PEBP4: variants seen among roughly 807,000 people sequenced by gnomAD.
PEBP4 encodes the protein phosphatidylethanolamine-binding protein 4.
PEBP4 carries 22 observed loss-of-function variants against 23.9 expected under a neutral mutation model. The ratio of observed to expected loss-of-function variants is 0.92; its 90% CI spans 0.66 to 1.31. The LOEUF is 1.31. PEBP4 is among the 40% of genes most tolerant of loss of function. The pLI is 0.00. For synonymous variants in PEBP4, 112 were observed against 99.3 expected (o/e 1.13, Z -0.76); for missense variants, 324 against 281.7 (o/e 1.15, Z -1.07).
intron 3 of PEBP4, among the ~76,000 whole-genome samples, chr8:22,915,874 A>G (rs35182067): frequency 0.095 from 14,466 of 152,240 alleles, 955 homozygotes; most frequent in African/African-American, 0.19. Context: ...AAGGGTTGGT[A>G]GGGGCGGTGG....
chr8:22,937,193 T>A (rs1055853736), intron 1 of PEBP4, among the ~76,000 whole-genome samples: 1 of 152,220 alleles, frequency 6.6e-6, no homozygotes, highest in African/African-American at 2.4e-5. Context: ...TAGAAAACTC[T>A]AATTTTTTAA....
chr8:22,721,371 C>T (rs1804515063), intron 6 of PEBP4, among the ~76,000 whole-genome samples: 1 of 152,148 alleles, frequency 6.6e-6, no homozygotes, highest in Admixed American at 6.5e-5. Context: ...TTGCTGACCA[C>T]ATGTACATTG....
intron 3 of PEBP4, among the ~76,000 whole-genome samples, chr8:22,832,217 G>T (rs1037958606): frequency 6.6e-6 from 1 of 152,200 alleles, no homozygotes. Context: ...AAATGCATGT[G>T]TGGAAGCCCT....
At chr8:22,835,593 T>C (rs1247260595) in intron 3 of PEBP4, among the ~76,000 whole-genome samples, 1 of 152,218 alleles carries the variant, frequency 6.6e-6, no homozygotes, top group Non-Finnish European at 1.5e-5. Context: ...CTGGAAGGAA[T>C]AGGGATCATG....
chr8:22,731,919 C>T (rs1238647358), intron 4 of PEBP4, among the ~76,000 whole-genome samples: 6 of 151,940 alleles, frequency 3.9e-5, no homozygotes, highest in African/African-American at 1.5e-4. Flanking sequence ...TCGTGATCCG[C>T]CCGCCTCGGC....
chr8:22,722,493 G>A (rs1053566285), intron 6 of PEBP4, among the ~76,000 whole-genome samples: 13 of 152,204 alleles, frequency 8.5e-5, no homozygotes, highest in Admixed American at 4.6e-4. Flanking sequence ...TGTTCTGGAG[G>A]GAAAGGTATG....
At position 22,779,392 on chromosome 8, in the gene PEBP4, G is replaced by A. The variant is rs1419120279; in HGVS notation, c.357+38245C>T. 4.6e-5 allele frequency among the ~76,000 whole-genome samples: 7 copies of A among 152,110 alleles called. No homozygotes were observed. In the East Asian group the frequency reaches 1.3e-3, roughly 29 times the overall value. Reference sequence around the variant, plus strand: ...CTCAAAGGTCACCAGGCTAGGAGGTGGTCAAGGGAGAGGTCCCACACCAAG... The same window carrying A: ...CTCAAAGGTCACCAGGCTAGGAGGTAGTCAAGGGAGAGGTCCCACACCAAG... On this transcript the variant is annotated intron_variant, in intron 4 of 6. Transcript: ENST00000256404.
intron 2 of PEBP4, 92 bp downstream of exon 2, chr8:22,927,492 A>C: frequency 7.0e-7 from 1 of 1,430,366 alleles, no homozygotes. Context: ...GGCTCAGGAG[A>C]TGGTGCTTCT....
At chr8:22,900,986 G>A (rs1229499818) in intron 3 of PEBP4, among the ~76,000 whole-genome samples, 2 of 152,230 alleles carry the variant, frequency 1.3e-5, no homozygotes, top group African/African-American at 4.8e-5. Flanking sequence ...GCAGCAAGAA[G>A]TGACAGATGA....
Position 22,865,486 on chromosome 8 carries a change from C to CCCCGG in PEBP4, c.259-47756_259-47752dup, listed in dbSNP as rs1807872683. On this transcript the variant is annotated intron_variant, in intron 3 of 6. Transcript: ENST00000256404. The surrounding 1 kb of genome is among the most constrained non-coding windows in gnomAD (Gnocchi z 6.9). ...CGCGAGGTGGAGCGCGCCACCGCCC[C>CCCCGG]CCCGGCCGCGCAGCGAGAAGGAGCC... 6.6e-6 allele frequency among the ~76,000 whole-genome samples: 1 copy of CCCCGG among 152,014 alleles called. No homozygotes were observed.
In PEBP4 at chr8:22,927,814, G is replaced by C; in HGVS notation, c.-7+9C>G. On this transcript the variant is annotated intron_variant, in intron 1 of 6. Coordinates refer to ENST00000256404, the MANE Select transcript of PEBP4 (RefSeq NM_144962.3). ...CCGACCCCAGGGGCCCACTTGGCAGGATAGAGACCTCTGGTTAAGCACAGG... is the reference window on the plus strand; with the variant it reads ...CCGACCCCAGGGGCCCACTTGGCAGCATAGAGACCTCTGGTTAAGCACAGG... The C allele has an allele frequency of 6.7e-7, 1 of 1,495,324 alleles. No homozygotes were observed. Among genetic ancestry groups the C allele is most frequent in the African/African-American group, 1.4e-5 (1 of 70,960 alleles). 92.6% of individuals were successfully genotyped at this position (1,495,324 alleles called of 1,614,324 possible). A position where few individuals can be genotyped will look rare whatever the true frequency, so the allele number is the denominator to read the frequency against.
At chr8:22,826,492 G>T (rs1806971388) in intron 3 of PEBP4, among the ~76,000 whole-genome samples, 1 of 152,142 alleles carries the variant, frequency 6.6e-6, no homozygotes, top group Middle Eastern at 3.2e-3. Flanking sequence ...AGTGAACATT[G>T]TTGGAAATAA....
At chr8:22,902,842 G>A (rs561599832) in intron 3 of PEBP4, among the ~76,000 whole-genome samples, 1 of 152,214 alleles carries the variant, frequency 6.6e-6, no homozygotes, top group African/African-American at 2.4e-5. Flanking sequence ...AGAATGCATT[G>A]GACATACCTG....
rs35324307 is a variant in PEBP4 at position 22,857,241 on chromosome 8, T to TACACACACACACACACAC, written c.259-39524_259-39507dup. Among the ~76,000 whole-genome samples, 1,167 of 148,086 alleles carry TACACACACACACACACAC rather than the reference T, an allele frequency of 7.9e-3. 11 individuals are homozygous for TACACACACACACACACAC. Among genetic ancestry groups the TACACACACACACACACAC allele is most frequent in the African/African-American group, 0.028 (1,110 of 40,036 alleles). On this transcript the variant is annotated intron_variant, in intron 3 of 6. Coordinates refer to ENST00000256404, the MANE Select transcript of PEBP4 (RefSeq NM_144962.3). ...ATTTCCTACTTTAAAAAATGAAACC[T>TACACACACACACACACAC]ACACACACACACACACACACACACA...
chr8:22,765,538 C>A (rs1000322560), intron 4 of PEBP4, among the ~76,000 whole-genome samples: 3 of 152,196 alleles, frequency 2.0e-5, no homozygotes, highest in Non-Finnish European at 4.4e-5. Flanking sequence ...TGGGAGGGAC[C>A]CCCTGCCTCT....
intron 4 of PEBP4, among the ~76,000 whole-genome samples, chr8:22,759,725 C>T (rs1434562078): frequency 3.3e-5 from 5 of 152,164 alleles, no homozygotes; most frequent in African/African-American, 9.7e-5. Flanking sequence ...TGTAGTTCCT[C>T]GAGAAGCCCC....
At chr8:22,935,347 C>T (rs1013449706) in intron 1 of PEBP4, among the ~76,000 whole-genome samples, 2 of 151,976 alleles carry the variant, frequency 1.3e-5, no homozygotes, top group Non-Finnish European at 2.9e-5. Flanking sequence ...ATGGAGAAAC[C>T]ATGTCTCTAC....
chr8:22,737,188 G>A (rs1483433818), intron 4 of PEBP4, among the ~76,000 whole-genome samples: 1 of 151,854 alleles, frequency 6.6e-6, no homozygotes, highest in African/African-American at 2.4e-5. Flanking sequence ...CAGTTACTCG[G>A]GAGGCTGAGG....
At chr8:22,803,828 T>A (rs1487694316) in intron 4 of PEBP4, among the ~76,000 whole-genome samples, 1 of 152,134 alleles carries the variant, frequency 6.6e-6, no homozygotes, top group Non-Finnish European at 1.5e-5. Context: ...CCAGGGGCCA[T>A]CCTCGCACCA....
Sources: allele counts gnomAD v4.1 joint callset (sites outside exome capture counted in the v4.1 genomes callset), GRCh38; gene constraint gnomAD v4.1.1; non-coding constraint Gnocchi (gnomAD v3.1); transcripts MANE v1.5; gene names NCBI Gene and HGNC (gene_info 2026-07-23, HGNC 2026-07-21).